Variants in TANC2 observed in about 807,000 individuals in gnomAD.
TANC2 encodes the protein protein TANC2.
Under a neutral mutation model 210.5 loss-of-function variants are expected in TANC2, and 26 were observed. The observed-to-expected ratio is 0.12, with a 90% CI of 0.09 to 0.17. The LOEUF (loss-of-function observed/expected upper bound fraction) is 0.17. TANC2 is among the 10% of genes least tolerant of loss of function. The pLI is 1.00. For missense variants in TANC2, 2,129 were observed against 2,608.9 expected, an observed-to-expected ratio of 0.82 and a Z score of 4.01; for synonymous variants, 931 against 967.1, an observed-to-expected ratio of 0.96 and a Z score of 0.69.
chr17:63,081,359 G>C (rs745399801), intron 3 of TANC2, among the ~76,000 whole-genome samples: 1 of 152,082 alleles, frequency 6.6e-6, no homozygotes, highest in Non-Finnish European at 1.5e-5. Flanking sequence ...ATTTAAAAAG[G>C]ATATGTTAAG....
At chr17:63,009,488 A>G in intron 1 of TANC2, 49 bp from the exon 2 acceptor site, 2 of 1,356,596 alleles carry the variant, frequency 1.5e-6, no homozygotes, top group Non-Finnish European at 1.0e-6. Context: ...CTCTTATGCT[A>G]TGAAAATAAA....
chr17:63,242,531 C>T (rs947839548), intron 8 of TANC2, among the ~76,000 whole-genome samples: 6 of 151,998 alleles, frequency 3.9e-5, no homozygotes, highest in Admixed American at 3.9e-4. Context: ...ATTGCGGTAT[C>T]CTATTGCAGA....
At chr17:63,275,408 G>T (rs2043842069) in intron 9 of TANC2, among the ~76,000 whole-genome samples, 1 of 152,072 alleles carries the variant, frequency 6.6e-6, no homozygotes, top group Non-Finnish European at 1.5e-5. Flanking sequence ...AGTTAACTTG[G>T]TTTTATCAAA....
chr17:63,113,697 T>A (rs2038141920), intron 4 of TANC2, among the ~76,000 whole-genome samples: 1 of 152,074 alleles, frequency 6.6e-6, no homozygotes, highest in Non-Finnish European at 1.5e-5. Context: ...TTTGTAGAGA[T>A]GGGGTCTTGC....
At chr17:63,010,006 C>T (rs2143831112) in intron 2 of TANC2, among the ~76,000 whole-genome samples, 1 of 152,166 alleles carries the variant, frequency 6.6e-6, no homozygotes, top group East Asian at 1.9e-4. Flanking sequence ...AAGATTTATA[C>T]AGAAAGTGAA....
intron 2 of TANC2, among the ~76,000 whole-genome samples, chr17:63,027,603 G>A (rs2034606229): frequency 1.3e-5 from 2 of 151,822 alleles, no homozygotes; most frequent in Admixed American, 6.6e-5. Context: ...CCATCTCATG[G>A]TCTCCTTATG....
intron 2 of TANC2, among the ~76,000 whole-genome samples, chr17:63,021,449 CT>C (rs1232422604): frequency 6.6e-6 from 1 of 152,122 alleles, no homozygotes; most frequent in African/African-American, 2.4e-5. Context: ...GGTCAGCCTC[CT>C]TTTTCCCCTG....
chr17:63,342,007 C>G (rs764556737), intron 12 of TANC2, among the ~76,000 whole-genome samples: 57 of 152,046 alleles, frequency 3.7e-4, no homozygotes, highest in Non-Finnish European at 7.2e-4. Flanking sequence ...CATTATTTTC[C>G]TTCTTGATAT....
At chr17:63,031,135 T>C (rs116646516) in intron 2 of TANC2, among the ~76,000 whole-genome samples, 3,648 of 152,208 alleles carry the variant, frequency 0.024, 55 homozygotes, top group South Asian at 0.036. Flanking sequence ...TCCCAGAAGA[T>C]AGATTTCTAT....
intron 7 of TANC2, among the ~76,000 whole-genome samples, chr17:63,225,150 A>G (rs1231229057): frequency 1.3e-5 from 2 of 152,064 alleles, no homozygotes; most frequent in African/African-American, 2.4e-5. Context: ...GTTTCTGCCT[A>G]TACTACTCAC....
At chr17:63,378,060 G>A (rs2047481509) in intron 14 of TANC2, among the ~76,000 whole-genome samples, 1 of 152,180 alleles carries the variant, frequency 6.6e-6, no homozygotes, top group African/African-American at 2.4e-5. Context: ...TACAATTCAA[G>A]GTGAGATTTG....
At chr17:63,346,511 AAT>A (rs1236237107) in intron 12 of TANC2, among the ~76,000 whole-genome samples, 1 of 152,208 alleles carries the variant, frequency 6.6e-6, no homozygotes, top group East Asian at 1.9e-4. Context: ...TAACATGAGT[AAT>A]CAGGGAGATG....
In TANC2 at chr17:63,375,624, C is replaced by A. The variant is rs141036268; in HGVS notation, c.2583-4094C>A. Among the ~76,000 whole-genome samples the A allele has an allele frequency of 4.9e-4, 75 of 152,292 alleles. 1 individual carries two copies. The highest frequency in any genetic ancestry group is 1.8e-3 in the African/African-American group (75 of 41,566). Reference sequence around the variant, plus strand: ...GGATGAGTAACTTAAAGTAATAATTCTTATACCAGGGAGGCTACAATAATT... The same window carrying A: ...GGATGAGTAACTTAAAGTAATAATTATTATACCAGGGAGGCTACAATAATT... On this transcript the variant is annotated intron_variant, in intron 14 of 27. Transcript: ENST00000689528.
chr17:63,126,431 G>A (rs941757207), intron 4 of TANC2, among the ~76,000 whole-genome samples: 2 of 151,936 alleles, frequency 1.3e-5, no homozygotes, highest in East Asian at 1.9e-4. Flanking sequence ...GTTTTTTGAC[G>A]GAGTCTTCTT....
intron 8 of TANC2, among the ~76,000 whole-genome samples, chr17:63,254,225 A>G (rs970845822): frequency 1.3e-5 from 2 of 150,204 alleles, no homozygotes; most frequent in Admixed American, 1.3e-4. Flanking sequence ...ATTCCTAGTT[A>G]TTTTATTTGT....
In TANC2 at chr17:63,059,611, AT is replaced by A. The variant is rs199976576; in HGVS notation, c.68-14321del. Among the ~76,000 whole-genome samples, 299 of 148,070 alleles carry A rather than the reference AT, an allele frequency of 2.0e-3. 1 individual carries two copies. Among genetic ancestry groups the A allele is most frequent in the African/African-American group, 5.9e-3 (236 of 40,274 alleles). ...ATAGGTAAGGCAGCATCAAAGCTTG[AT>A]TTTTTTTTTTCATTTTCCCAGTTTT... On this transcript the variant is annotated intron_variant, in intron 2 of 27. Coordinates refer to ENST00000689528, the Ensembl canonical transcript of TANC2.
At chr17:63,138,348 A>C (rs1349862657) in intron 4 of TANC2, among the ~76,000 whole-genome samples, 1 of 152,200 alleles carries the variant, frequency 6.6e-6, no homozygotes, top group East Asian at 1.9e-4. Context: ...GAGAAAACAT[A>C]ATTGTACTGT....
chr17:63,047,375 A>G (rs959817481), intron 2 of TANC2, among the ~76,000 whole-genome samples: 3 of 152,178 alleles, frequency 2.0e-5, no homozygotes, highest in African/African-American at 4.8e-5. Context: ...ATGATTACTC[A>G]GTTATTTGTG....
intron 12 of TANC2, among the ~76,000 whole-genome samples, chr17:63,350,035 G>T (rs1414650720): frequency 2.6e-5 from 4 of 152,136 alleles, no homozygotes; most frequent in African/African-American, 9.7e-5. Context: ...AACTGATTTG[G>T]ATATTGAAAT....
Sources: gnomAD v4.1 joint callset for allele counts (sites outside exome capture counted in the v4.1 genomes callset) on GRCh38, gnomAD v4.1.1 for gene constraint, MANE v1.5 for transcripts, NCBI Gene and HGNC (gene_info 2026-07-23, HGNC 2026-07-21) for gene names.